Variants in C8orf34 observed in about 807,000 individuals in gnomAD.
C8orf34 encodes uncharacterized protein C8orf34.
A neutral mutation model predicts 68.3 loss-of-function variants in C8orf34; 65 were observed. That is an observed-to-expected ratio of 0.95 (90% CI 0.78 to 1.17). C8orf34 has a LOEUF of 1.17. Ranked by LOEUF, C8orf34 falls within the 50% of genes most tolerant of loss-of-function variation. The pLI, the probability that C8orf34 is intolerant of heterozygous loss-of-function variation, is 0.00. For missense variants in C8orf34, 664 were observed against 655.4 expected (o/e 1.01, Z -0.14); for synonymous variants, 244 against 241.2 (o/e 1.01, Z -0.11).
intron 8 of C8orf34, among the ~76,000 whole-genome samples, chr8:68,691,134 A>G (rs761826043): frequency 1.3e-5 from 2 of 152,004 alleles, no homozygotes; most frequent in Non-Finnish European, 2.9e-5. Flanking sequence ...ACCCTTCTCA[A>G]TGTAGTTCAG....
At chr8:68,470,734 C>A (rs1812345646) in intron 4 of C8orf34, among the ~76,000 whole-genome samples, 1 of 152,044 alleles carries the variant, frequency 6.6e-6, no homozygotes, top group South Asian at 2.1e-4. Context: ...GATTGTATAT[C>A]CTAGCTGTGT....
In C8orf34 at chr8:68,410,565, G is replaced by C. The variant is rs184409244; in HGVS notation, c.328-28934G>C. On this transcript the variant is annotated intron_variant, in intron 1 of 13. Transcript: ENST00000518698. The stretch of plus-strand genomic sequence containing the variant: ...GGGCAGGAGTGCTGGAACCAATGCT[G>C]TGTGGATACTGGGGGATAGCTGTAC... Among the ~76,000 whole-genome samples the C allele has an allele frequency of 4.6e-5, 7 of 152,260 alleles. No individual in the cohort carries two copies. The East Asian group carries it at 9.7e-4, about 21-fold the overall frequency.
At chr8:68,615,421 T>C (rs1204337102) in intron 7 of C8orf34, among the ~76,000 whole-genome samples, 2 of 152,040 alleles carry the variant, frequency 1.3e-5, no homozygotes, top group African/African-American at 2.4e-5. Flanking sequence ...ATATTGGCTG[T>C]GGGTTTGTCA....
chr8:68,422,788 A>T (rs991118308), intron 1 of C8orf34, among the ~76,000 whole-genome samples: 2 of 152,188 alleles, frequency 1.3e-5, no homozygotes, highest in Non-Finnish European at 2.9e-5. Flanking sequence ...CTGCCTGGAC[A>T]TCCAGGCCCT....
Position 68,612,222 on chromosome 8 carries a change from T to C in C8orf34, c.1106-28154T>C, listed in dbSNP as rs1818044241. Among the ~76,000 whole-genome samples the C allele has an allele frequency of 2.0e-5, 3 of 152,160 alleles. No homozygotes were observed. The South Asian group carries it at 6.2e-4, about 32-fold the overall frequency. On this transcript the variant is annotated intron_variant, in intron 7 of 13. Coordinates refer to ENST00000518698, the MANE Select transcript of C8orf34 (RefSeq NM_052958.4). ...TAACATTTATGGGCTGCTATCTATGTGCCAGACACTACTTCACACCTCTTA... is the reference window on the plus strand; with the variant it reads ...TAACATTTATGGGCTGCTATCTATGCGCCAGACACTACTTCACACCTCTTA...
chr8:68,708,956 A>T (rs903462743), intron 8 of C8orf34, 38 bp from the exon 9 acceptor site: 1 of 1,449,052 alleles, frequency 6.9e-7, no homozygotes. Flanking sequence ...ACAATTTAAC[A>T]TTATGAGATG....
At chr8:68,437,019 A>G (rs944205671) in intron 1 of C8orf34, among the ~76,000 whole-genome samples, 84 of 152,230 alleles carry the variant, frequency 5.5e-4, no homozygotes, top group African/African-American at 1.9e-3. Context: ...AAATACAATC[A>G]TTTAAAACTA....
chr8:68,701,812 C>T (rs980893575), intron 8 of C8orf34, among the ~76,000 whole-genome samples: 1 of 151,974 alleles, frequency 6.6e-6, no homozygotes, highest in African/African-American at 2.4e-5. Context: ...CATATTCTCC[C>T]ATTCCTCCCC....
intron 3 of C8orf34, among the ~76,000 whole-genome samples, chr8:68,456,404 T>C (rs1234657316): frequency 6.6e-6 from 1 of 152,222 alleles, no homozygotes; most frequent in Non-Finnish European, 1.5e-5. Context: ...CAGAGTGTTT[T>C]GTTACCTTAA....
chr8:68,629,262 A>T (rs1242872524), intron 7 of C8orf34, among the ~76,000 whole-genome samples: 1 of 152,180 alleles, frequency 6.6e-6, no homozygotes, highest in African/African-American at 2.4e-5. Flanking sequence ...GTCCATATGT[A>T]TATCTTGAAG....
intron 1 of C8orf34, among the ~76,000 whole-genome samples, chr8:68,351,707 G>C (rs1462395796): frequency 6.6e-6 from 1 of 151,696 alleles, no homozygotes; most frequent in Non-Finnish European, 1.5e-5. Flanking sequence ...AATTCCTTTG[G>C]GTAAATACCA....
chr8:68,480,402 A>C (rs1196653753), intron 4 of C8orf34, among the ~76,000 whole-genome samples: 1 of 152,186 alleles, frequency 6.6e-6, no homozygotes, highest in African/African-American at 2.4e-5. Context: ...TGTCTTTATC[A>C]GCAGTGTGAA....
intron 1 of C8orf34, among the ~76,000 whole-genome samples, chr8:68,360,221 G>T (rs1011382858): frequency 2.6e-5 from 4 of 151,890 alleles, no homozygotes; most frequent in African/African-American, 4.8e-5. Flanking sequence ...TGCTTTTCTC[G>T]TCTTTGCCAA....
At chr8:68,489,794 C>T (rs1188183280) in intron 5 of C8orf34, among the ~76,000 whole-genome samples, 2 of 152,118 alleles carry the variant, frequency 1.3e-5, no homozygotes, top group Admixed American at 6.6e-5. Flanking sequence ...ATTATTTTTA[C>T]AAAAACCACA....
intron 8 of C8orf34, among the ~76,000 whole-genome samples, chr8:68,654,491 T>A (rs1402095774): frequency 6.6e-6 from 1 of 152,234 alleles, no homozygotes; most frequent in Non-Finnish European, 1.5e-5. Flanking sequence ...TAACAACATA[T>A]GTATTGATTC....
At position 68,722,436 on chromosome 8, in the gene C8orf34, C is replaced by T. The variant is rs368543075; in HGVS notation, c.1404+999C>T. ...CAGTTCAACCCATAACACTCTGTGA[C>T]GAGATTACATGATTTAAAACATTAT... On this transcript the variant is annotated intron_variant, in intron 10 of 13. Coordinates refer to ENST00000518698, the MANE Select transcript of C8orf34 (RefSeq NM_052958.4). Among the ~76,000 whole-genome samples, 11 of 152,092 alleles carry T rather than the reference C, an allele frequency of 7.2e-5. No individual in the cohort carries two copies. The East Asian group carries it at 7.7e-4, about 11-fold the overall frequency.
intron 1 of C8orf34, among the ~76,000 whole-genome samples, chr8:68,410,617 T>C (rs1254041434): frequency 2.0e-5 from 3 of 152,098 alleles, no homozygotes; most frequent in African/African-American, 7.2e-5. Context: ...AGTGCCAAAG[T>C]AAGGAAGGCC....
intron 7 of C8orf34, among the ~76,000 whole-genome samples, chr8:68,610,273 C>A (rs1488579972): frequency 3.3e-5 from 5 of 152,000 alleles, no homozygotes; most frequent in Non-Finnish European, 7.4e-5. Flanking sequence ...AAGAGTAATT[C>A]ATGAAGCTAA....
chr8:68,398,188 G>A (rs1414510469), intron 1 of C8orf34, among the ~76,000 whole-genome samples: 1 of 152,098 alleles, frequency 6.6e-6, no homozygotes, highest in Non-Finnish European at 1.5e-5. Context: ...ACAACCTGAG[G>A]CATAGATTAT....
Sources: gnomAD v4.1 joint callset for allele counts (sites outside exome capture counted in the v4.1 genomes callset) on GRCh38, gnomAD v4.1.1 for gene constraint, MANE v1.5 for transcripts, NCBI Gene and HGNC (gene_info 2026-07-23, HGNC 2026-07-21) for gene names.